Variants in RAPGEF6 observed in about 807,000 individuals in gnomAD.
RAPGEF6 encodes the protein PDZ domain containing guanine nucleotide exchange factor (GEF) 2.
RAPGEF6 carries 56 observed loss-of-function variants against 171.4 expected under a neutral mutation model. The observed-to-expected ratio is 0.33, with a 90% confidence interval of 0.26 to 0.41. The LOEUF is 0.41. RAPGEF6 is among the 10% of genes least tolerant of loss of function. The pLI is 1.00. For missense variants in RAPGEF6, 1,674 were observed against 1,921.4 expected (o/e 0.87, Z 2.41); for synonymous variants, 692 against 650.1 (o/e 1.06, Z -0.98).
rs149533409 is a variant in RAPGEF6 at position 131,603,494 on chromosome 5, T to C, written c.141-167A>G. Among the ~76,000 whole-genome samples, 489 of 152,242 alleles carry C rather than the reference T, an allele frequency of 3.2e-3. 5 individuals carry two copies. Among genetic ancestry groups the C allele is most frequent in the African/African-American group, 0.012 (479 of 41,566 alleles). ...AGTTTAGAAATATATGTGTATTTTA[T>C]ATATATACATAATGCAATAATATAG... is the stretch of plus-strand genomic sequence containing the variant. On this transcript the variant is annotated intron_variant, in intron 2 of 27. Transcript: ENST00000509018.
At chr5:131,533,738 G>A (rs545536687) in intron 6 of RAPGEF6, among the ~76,000 whole-genome samples, 303 of 152,070 alleles carry the variant, frequency 2.0e-3, no homozygotes, top group African/African-American at 6.8e-3. Context: ...TACACAACAT[G>A]GTACTTTCCT....
intron 3 of RAPGEF6, among the ~76,000 whole-genome samples, chr5:131,598,498 GCAAC>G (rs747270880): frequency 3.9e-5 from 6 of 152,096 alleles, no homozygotes; most frequent in Non-Finnish European, 7.4e-5. Flanking sequence ...ACCATACCTA[GCAAC>G]ATTAGACAAA....
At chr5:131,494,936 G>A (rs959603687) in intron 13 of RAPGEF6, among the ~76,000 whole-genome samples, 4 of 152,210 alleles carry the variant, frequency 2.6e-5, no homozygotes, top group African/African-American at 7.2e-5. Flanking sequence ...GAGACTGAGG[G>A]TACACATATA....
At chr5:131,605,876 A>T (rs955196508) in intron 1 of RAPGEF6, among the ~76,000 whole-genome samples, 1 of 151,932 alleles carries the variant, frequency 6.6e-6, no homozygotes, top group African/African-American at 2.4e-5. Context: ...TAAAAATACA[A>T]AAAATTAGCC....
intron 24 of RAPGEF6, 87 bp from the exon 25 acceptor site, chr5:131,433,745 C>T: frequency 8.9e-6 from 9 of 1,009,066 alleles, no homozygotes; most frequent in Middle Eastern, 2.2e-4. Context: ...AAAAAAAACC[C>T]CACAAAAATA....
chr5:131,434,832 C>A (rs1470576733), intron 24 of RAPGEF6, among the ~76,000 whole-genome samples: 2 of 152,048 alleles, frequency 1.3e-5, no homozygotes, highest in African/African-American at 2.4e-5. Flanking sequence ...TGGAAGAAAC[C>A]AAATTTTTGT....
Position 131,531,079 on chromosome 5 carries a change from T to C in RAPGEF6, c.496-9558A>G, listed in dbSNP as rs555562600. On this transcript the variant is annotated intron_variant, in intron 6 of 27. Transcript: ENST00000509018. The stretch of plus-strand genomic sequence containing the variant: ...TTGCCAAATGGACAGTGAATTTAAA[T>C]GTCTTTCCAGAAGCTGCCTTTAAGA... Among the ~76,000 whole-genome samples the C allele has an allele frequency of 4.6e-5, 7 of 152,226 alleles. No homozygotes were observed. The South Asian group carries it at 1.2e-3, about 27-fold the overall frequency.
intron 16 of RAPGEF6, among the ~76,000 whole-genome samples, chr5:131,473,178 C>A (rs1754869366): frequency 6.6e-6 from 1 of 152,076 alleles, no homozygotes; most frequent in Non-Finnish European, 1.5e-5. Flanking sequence ...GAAAAAGAGT[C>A]TACATTCAAA....
rs144051307 is a variant in RAPGEF6 at position 131,426,212 on chromosome 5, C to G, written c.*1054G>C. On this transcript the variant is annotated 3_prime_UTR_variant, in exon 28 of 28. Coordinates refer to ENST00000509018, the MANE Select transcript of RAPGEF6 (RefSeq NM_016340.6). ...GCAGGGTATGTCAGGTCAGACACAACCTGGTGCTATGAGATGTGGGGGAGG... is the reference window on the plus strand; with the variant it reads ...GCAGGGTATGTCAGGTCAGACACAAGCTGGTGCTATGAGATGTGGGGGAGG... The G allele has an allele frequency of 2.6e-5, 4 of 152,352 alleles. No homozygotes were observed. The East Asian group carries it at 5.6e-4, about 21-fold the overall frequency. 9.4% of individuals were successfully genotyped at this position (152,352 alleles called of 1,614,324 possible). A position where few individuals can be genotyped will look rare whatever the true frequency, so the allele number is the denominator to read the frequency against.
intron 9 of RAPGEF6, among the ~76,000 whole-genome samples, chr5:131,507,637 C>T (rs754693802): frequency 1.3e-5 from 2 of 152,084 alleles, no homozygotes; most frequent in African/African-American, 4.8e-5. Flanking sequence ...TGCACTGGTA[C>T]CAACACATGT....
chr5:131,523,717 G>A (rs865828989), intron 6 of RAPGEF6, among the ~76,000 whole-genome samples: 1 of 151,992 alleles, frequency 6.6e-6, no homozygotes, highest in Non-Finnish European at 1.5e-5. Flanking sequence ...CAAGATGATA[G>A]CTAAGCATTT....
chr5:131,487,514 C>T (rs1177419606), intron 15 of RAPGEF6, among the ~76,000 whole-genome samples: 1 of 152,156 alleles, frequency 6.6e-6, no homozygotes, highest in Non-Finnish European at 1.5e-5. Flanking sequence ...ACACAGAGCA[C>T]TGATTGGTGC....
chr5:131,544,683 TA>T (rs1460842489), intron 6 of RAPGEF6, among the ~76,000 whole-genome samples: 5 of 152,302 alleles, frequency 3.3e-5, no homozygotes, highest in Admixed American at 1.3e-4. Flanking sequence ...AAATTTCATT[TA>T]AAAAAAATTT....
chr5:131,561,116 TAAAAA>T (rs571759957), intron 5 of RAPGEF6, among the ~76,000 whole-genome samples: 1 of 147,988 alleles, frequency 6.8e-6, no homozygotes, highest in East Asian at 2.0e-4. Context: ...TTCTAATACT[TAAAAA>T]AAAAAATTCT....
intron 1 of RAPGEF6, among the ~76,000 whole-genome samples, chr5:131,607,794 G>A (rs1764698843): frequency 6.6e-6 from 1 of 152,146 alleles, no homozygotes; most frequent in Admixed American, 6.5e-5. Context: ...GGATACAGTG[G>A]TTGGGGGCAC....
chr5:131,464,186 G>A lies in RAPGEF6; in HGVS notation c.2335C>T (p.His779Tyr), dbSNP rs922417211. 1.5e-5 allele frequency: 25 copies of A among 1,613,914 alleles called. No individual in the cohort carries two copies. Among genetic ancestry groups the A allele is most frequent in the Non-Finnish European group, 2.0e-5 (24 of 1,179,860 alleles). ...KDTTAKEVVFHAVHEFGLTGA... is the reference protein window; with the variant it reads ...KDTTAKEVVFYAVHEFGLTGA... ...GTCAAACCAAATTCATGAACAGCAT[G>A]AAAAACTACTTCTTTAGCTGTGGTG... The change falls in exon 18 of 28, where the codon CAT becomes TAT. Residue 779 changes from histidine (H) to tyrosine (Y), a missense_variant. Physicochemically the swap from His to Tyr is moderately conservative, Grantham distance 83 (BLOSUM62 2). This residue lies in a region of RAPGEF6 where 1,116 missense variants were observed against 1,321.5 expected (regional missense o/e 0.84). Transcript: ENST00000509018.
rs868740880 is a variant in RAPGEF6, at chr5:131,566,648, T to C, written c.282-4601A>G. The stretch of plus-strand genomic sequence containing the variant: ...CCCTAATACAAAGTCTTTTGGAATG[T>C]ATGTAATAATGCTTCTTATGTTTGA... On this transcript the variant is annotated intron_variant, in intron 4 of 27. Transcript: ENST00000509018. 1.4e-4 allele frequency among the ~76,000 whole-genome samples: 22 copies of C among 152,296 alleles called. No homozygotes were observed. In the South Asian group the frequency reaches 2.1e-3, roughly 14 times the overall value.
intron 9 of RAPGEF6, among the ~76,000 whole-genome samples, chr5:131,505,992 GA>G (rs1367816458): frequency 6.6e-6 from 1 of 151,456 alleles, no homozygotes; most frequent in Admixed American, 6.6e-5. Flanking sequence ...AAACATTTAA[GA>G]AAAAAAATAG....
intron 6 of RAPGEF6, among the ~76,000 whole-genome samples, chr5:131,529,537 T>C (rs543486318): frequency 6.6e-6 from 1 of 151,724 alleles, no homozygotes; most frequent in African/African-American, 2.4e-5. Flanking sequence ...GCGAGAGTAC[T>C]ACTCCAAAAG....
Sources: gnomAD v4.1 joint callset for allele counts (sites outside exome capture counted in the v4.1 genomes callset) on GRCh38, gnomAD v4.1.1 for gene constraint, gnomAD v4.1.1 regional missense constraint, MANE v1.5 for transcripts, NCBI Gene and HGNC (gene_info 2026-07-23, HGNC 2026-07-21) for gene names.